ARHGAP39: variants seen among roughly 807,000 people sequenced by gnomAD.
The protein encoded by ARHGAP39 is rho GTPase-activating protein 39.
Under a neutral mutation model 106.9 loss-of-function variants are expected in ARHGAP39, and 44 were observed. The observed-to-expected ratio is 0.41, with a 90% CI of 0.32 to 0.53. The LOEUF (loss-of-function observed/expected upper bound fraction) is 0.53. ARHGAP39 is among the 20% of genes least tolerant of loss of function. The probability of loss-of-function intolerance (pLI) is 0.21; values close to 1 mark genes in which losing one functional copy is unlikely to be tolerated. For synonymous variants in ARHGAP39, 768 were observed against 693.2 expected (o/e 1.11, Z -1.69); for missense variants, 1,496 against 1,577.3 (o/e 0.95, Z 0.87).
At position 144,530,759 on chromosome 8, in the gene ARHGAP39, C is replaced by T. The variant is rs1816660392; in HGVS notation, c.3093G>A (p.Val1031=). ...YDSPEAAVAV[V]HALPRINRMV... The stretch of plus-strand genomic sequence containing the variant: ...TGCGGTTGATGCGGGGCAGCGCGTG[C>T]ACCACGGCCACCGCCGCCTCGGGGC... The change falls in exon 11 of 12, where the codon GTG becomes GTA. Residue 1031 remains valine, a synonymous_variant. Coordinates refer to ENST00000377307, the MANE Select transcript of ARHGAP39 (RefSeq NM_025251.3). The T allele has an allele frequency of 1.2e-6, 2 of 1,610,542 alleles. No homozygotes were observed. Among genetic ancestry groups the T allele is most frequent in the African/African-American group, 1.3e-5 (1 of 74,912 alleles).
At chr8:144,602,338 T>A (rs1820037150) in intron 2 of ARHGAP39, among the ~76,000 whole-genome samples, 1 of 136,090 alleles carries the variant, frequency 7.3e-6, no homozygotes, top group Admixed American at 7.5e-5. Flanking sequence ...TGCGAGCTCG[T>A]GTACCTGTAT....
intron 2 of ARHGAP39, among the ~76,000 whole-genome samples, chr8:144,583,350 G>A (rs939900861): frequency 1.3e-5 from 2 of 152,170 alleles, no homozygotes; most frequent in Non-Finnish European, 2.9e-5. Flanking sequence ...TTCACCGCGT[G>A]TCACCTCCCT....
At chr8:144,685,650 C>T (rs1822570051) in intron 1 of ARHGAP39, among the ~76,000 whole-genome samples, 36 bp downstream of exon 1, 1 of 148,334 alleles carries the variant, frequency 6.7e-6, no homozygotes, top group Admixed American at 6.7e-5. Flanking sequence ...ATCTTCTTGG[C>T]CCGCGCCGCC....
Position 144,533,194 on chromosome 8 carries a change from G to A in ARHGAP39, c.2820C>T (p.Pro940=). The change falls in exon 9 of 12, where the codon CCC becomes CCT. Residue 940 remains proline, a synonymous_variant. Coordinates refer to ENST00000377307, the MANE Select transcript of ARHGAP39 (RefSeq NM_025251.3). ...QRERYPERQL[P]WVQTRLSEEV... ...CCTCAGAGAGCCGTGTCTGCACCCA[G>A]GGCAGCTGGCGCTCGGGGTAGCGCT... The A allele has an allele frequency of 6.2e-7, 1 of 1,612,304 alleles. No individual in the cohort carries two copies. The highest frequency in any genetic ancestry group is 8.5e-7 in the Non-Finnish European group (1 of 1,179,900).
chr8:144,596,216 G>A (rs1226398507), intron 2 of ARHGAP39, among the ~76,000 whole-genome samples: 1 of 149,970 alleles, frequency 6.7e-6, no homozygotes, highest in Non-Finnish European at 1.5e-5. Flanking sequence ...GGATGGCTAA[G>A]GCCTCGCCAC....
the ARHGAP39 span, among the ~76,000 whole-genome samples, chr8:144,697,786 C>T: frequency 6.6e-6 from 1 of 152,120 alleles, no homozygotes; most frequent in Admixed American, 6.5e-5. Flanking sequence ...GCCACTGCAC[C>T]CGGCCTGTTT....
intron 7 of ARHGAP39, among the ~76,000 whole-genome samples, chr8:144,536,967 A>C (rs894713607): frequency 1.3e-5 from 2 of 152,218 alleles, no homozygotes; most frequent in African/African-American, 4.8e-5. Context: ...AGCTCTAGAC[A>C]GATGAGTGGG....
intron 1 of ARHGAP39, among the ~76,000 whole-genome samples, chr8:144,614,379 G>A (rs2130959320): frequency 6.7e-6 from 1 of 149,082 alleles, no homozygotes; most frequent in Non-Finnish European, 1.5e-5. Context: ...TTGAGACGGA[G>A]TCTCGCTCTG....
At chr8:144,674,471 G>A (rs2129737802) in intron 1 of ARHGAP39, among the ~76,000 whole-genome samples, 1 of 152,232 alleles carries the variant, frequency 6.6e-6, no homozygotes, top group East Asian at 1.9e-4. Flanking sequence ...ATGGGCTTCA[G>A]AGGGGAGAAA....
chr8:144,542,754 C>T (rs1306982609), intron 6 of ARHGAP39, among the ~76,000 whole-genome samples: 13 of 151,934 alleles, frequency 8.6e-5, no homozygotes, highest in East Asian at 4.0e-4. Context: ...TCCTGGCCAA[C>T]GTGGTGAAAC....
chr8:144,653,530 C>T (rs1274502263), intron 1 of ARHGAP39, among the ~76,000 whole-genome samples: 2 of 152,194 alleles, frequency 1.3e-5, no homozygotes, highest in African/African-American at 4.8e-5. Flanking sequence ...CAGGAACCTG[C>T]TTGCACGGAG....
intron 2 of ARHGAP39, among the ~76,000 whole-genome samples, chr8:144,603,263 G>C (rs1030528275): frequency 1.3e-5 from 2 of 151,734 alleles, no homozygotes; most frequent in African/African-American, 4.8e-5. Context: ...GTGTACCTGT[G>C]TGCATGTGCG....
chr8:144,661,182 G>A (rs1427099297), intron 1 of ARHGAP39, among the ~76,000 whole-genome samples: 1 of 152,076 alleles, frequency 6.6e-6, no homozygotes, highest in African/African-American at 2.4e-5. Context: ...GACCACCATG[G>A]CCCCTTCACA....
Position 144,572,182 on chromosome 8 carries a change from A to G in ARHGAP39, c.512+8664T>C, listed in dbSNP as rs746497070. 4.1e-4 allele frequency among the ~76,000 whole-genome samples: 63 copies of G among 152,202 alleles called. 1 individual carries two copies. The highest frequency in any genetic ancestry group is 2.1e-4 in the Non-Finnish European group (14 of 68,036). On this transcript the variant is annotated intron_variant, in intron 3 of 11. Coordinates refer to ENST00000377307, the MANE Select transcript of ARHGAP39 (RefSeq NM_025251.3). ...CCACATTGCCAAGACAATCCTAAGC[A>G]AAAATAACAAAGCTGGAGGCATCAT... is the stretch of plus-strand genomic sequence containing the variant.
rs2956184 is a variant in ARHGAP39 at position 144,671,780 on chromosome 8, C to T, written c.-82+13906G>A. ...TGCTGTCCACAGGATGTTAGCACAA[C>T]TCACTCCCGTGTCCCCCACCAGAGG... is the stretch of plus-strand genomic sequence containing the variant. On this transcript the variant is annotated intron_variant, in intron 1 of 11. Coordinates refer to ENST00000377307, the MANE Select transcript of ARHGAP39 (RefSeq NM_025251.3). The surrounding 1 kb of genome is among the most constrained non-coding windows in gnomAD (Gnocchi z 4.5). Among the ~76,000 whole-genome samples, 3,500 of 152,336 alleles carry T rather than the reference C, an allele frequency of 0.023. 222 individuals carry two copies. In the East Asian group the frequency reaches 0.25, roughly 11 times the overall value.
intron 1 of ARHGAP39, among the ~76,000 whole-genome samples, chr8:144,654,228 G>C (rs950490607): frequency 6.6e-6 from 1 of 152,168 alleles, no homozygotes; most frequent in Admixed American, 6.5e-5. Flanking sequence ...TGTGAGGCCA[G>C]GCACAGTGGC....
intron 1 of ARHGAP39, among the ~76,000 whole-genome samples, chr8:144,660,765 AG>A (rs1391734033): frequency 9.9e-5 from 15 of 152,126 alleles, no homozygotes; most frequent in African/African-American, 3.4e-4. Flanking sequence ...AGATCACTTG[AG>A]GTCAGGAGTT....
intron 3 of ARHGAP39, among the ~76,000 whole-genome samples, chr8:144,556,145 C>T (rs1301570566): frequency 2.6e-5 from 4 of 152,074 alleles, no homozygotes; most frequent in African/African-American, 9.6e-5. Flanking sequence ...ATTAGCCAGG[C>T]GTGGTGGCGG....
chr8:144,639,631 C>A (rs1821261206), intron 1 of ARHGAP39, among the ~76,000 whole-genome samples: 4 of 151,720 alleles, frequency 2.6e-5, no homozygotes, highest in African/African-American at 9.7e-5. Flanking sequence ...GAAACAAAAC[C>A]AACATTTTAA....
Sources: gnomAD v4.1 joint callset for allele counts (sites outside exome capture counted in the v4.1 genomes callset) on GRCh38, gnomAD v4.1.1 for gene constraint, Gnocchi (gnomAD v3.1) non-coding constraint, MANE v1.5 for transcripts, NCBI Gene and HGNC (gene_info 2026-07-23, HGNC 2026-07-21) for gene names.